PDE1A: variants seen among roughly 807,000 people sequenced by gnomAD.
PDE1A encodes phosphodiesterase 1A.
Under a neutral mutation model 61.7 loss-of-function variants are expected in PDE1A, and 35 were observed. The ratio of observed to expected loss-of-function variants is 0.57; its 90% confidence interval spans 0.43 to 0.75. The LOEUF (loss-of-function observed/expected upper bound fraction) is 0.75, where lower values mean the gene tolerates loss of function less well. Among genes scored for constraint, PDE1A ranks in the 30% least tolerant of loss-of-function variants. The pLI is 0.00. For missense variants in PDE1A, 597 were observed against 630.6 expected (o/e 0.95, Z 0.57); for synonymous variants, 232 against 213.2 (o/e 1.09, Z -0.77).
At chr2:182,601,849 G>T in the PDE1A span, among the ~76,000 whole-genome samples, 1 of 152,174 alleles carries the variant, frequency 6.6e-6, no homozygotes, top group Non-Finnish European at 1.5e-5. Context: ...CTCTAGCTGA[G>T]CCCAGGACTT....
intron 13 of PDE1A, among the ~76,000 whole-genome samples, chr2:182,151,039 AT>A (rs1277487879): frequency 6.6e-6 from 1 of 152,186 alleles, no homozygotes; most frequent in East Asian, 1.9e-4. Flanking sequence ...GGCAGACACT[AT>A]TCTAAGTGCT....
intron 1 of PDE1A, among the ~76,000 whole-genome samples, chr2:182,283,894 A>G (rs1008581259): frequency 2.0e-5 from 3 of 152,140 alleles, no homozygotes; most frequent in Admixed American, 6.6e-5. Context: ...TCATTTTAAC[A>G]TCTTTTTTTA....
the PDE1A span, among the ~76,000 whole-genome samples, chr2:182,591,080 T>A: frequency 6.6e-6 from 1 of 152,206 alleles, no homozygotes; most frequent in Non-Finnish European, 1.5e-5. Context: ...GGGTGGATCA[T>A]CAATGTGTTA....
chr2:182,621,785 G>A, the PDE1A span, among the ~76,000 whole-genome samples: 1 of 152,094 alleles, frequency 6.6e-6, no homozygotes, highest in Non-Finnish European at 1.5e-5. Context: ...TTAAGTGAAT[G>A]ACGGTAGACA....
intron 2 of PDE1A, among the ~76,000 whole-genome samples, chr2:182,440,201 C>T (rs1265486905): frequency 6.6e-6 from 1 of 152,040 alleles, no homozygotes; most frequent in Non-Finnish European, 1.5e-5. Context: ...CTGAAGCAAT[C>T]ATCTAGGGTC....
chr2:182,379,743 C>A (rs970256917), intron 1 of PDE1A, among the ~76,000 whole-genome samples: 27 of 151,864 alleles, frequency 1.8e-4, no homozygotes, highest in African/African-American at 6.3e-4. Context: ...TTTTTCTTTC[C>A]AAAAGTGGGT....
intron 1 of PDE1A, among the ~76,000 whole-genome samples, chr2:182,269,067 A>G (rs1008749501): frequency 3.3e-5 from 5 of 152,188 alleles, no homozygotes; most frequent in African/African-American, 1.2e-4. Context: ...TTGTTATTAT[A>G]CAAATAAAAT....
chr2:182,470,766 G>A (rs900800461), intron 2 of PDE1A, among the ~76,000 whole-genome samples: 1 of 151,772 alleles, frequency 6.6e-6, no homozygotes, highest in African/African-American at 2.4e-5. Flanking sequence ...TACTATATAC[G>A]AACACAGTCA....
chr2:182,430,657 C>T (rs1317058621), upstream of PDE1A, among the ~76,000 whole-genome samples: 1 of 115,644 alleles, frequency 8.6e-6, no homozygotes, highest in Non-Finnish European at 1.9e-5. Context: ...CACATGCACA[C>T]GTATGTTTAT....
At chr2:182,332,205 C>A (rs536594197) in intron 1 of PDE1A, among the ~76,000 whole-genome samples, 1 of 152,270 alleles carries the variant, frequency 6.6e-6, no homozygotes, top group East Asian at 1.9e-4. Context: ...TCCATCAGGT[C>A]TTTTATGTTC....
upstream of PDE1A, among the ~76,000 whole-genome samples, chr2:182,524,319 C>T (rs1013373126): frequency 6.6e-6 from 1 of 152,156 alleles, no homozygotes; most frequent in Non-Finnish European, 1.5e-5. Flanking sequence ...ATCAAGATAC[C>T]TAAGTCCTTG....
chr2:182,168,286 T>A, exon 14 of PDE1A: 1 of 1,585,376 alleles, frequency 6.3e-7, no homozygotes, highest in African/African-American at 1.4e-5. Flanking sequence ...AACTGGTTCT[T>A]GCTTCTGAAA....
the PDE1A span, among the ~76,000 whole-genome samples, chr2:182,686,310 TG>T: frequency 1.1e-3 from 171 of 152,278 alleles, no homozygotes; most frequent in African/African-American, 3.9e-3. Context: ...AACCTTGAAA[TG>T]CAAAAAAGTA....
At chr2:182,386,141 T>C (rs1312734378) in intron 1 of PDE1A, among the ~76,000 whole-genome samples, 2 of 152,188 alleles carry the variant, frequency 1.3e-5, no homozygotes, top group African/African-American at 4.8e-5. Flanking sequence ...TCTCGTTCAC[T>C]CAGTGCTCAA....
At chr2:182,660,030 G>T in the PDE1A span, among the ~76,000 whole-genome samples, 1 of 152,064 alleles carries the variant, frequency 6.6e-6, no homozygotes, top group African/African-American at 2.4e-5. Context: ...ATATATCATG[G>T]GCATGGCTGG....
chr2:182,155,193 C>T (rs1389303741), intron 13 of PDE1A, among the ~76,000 whole-genome samples: 3 of 150,164 alleles, frequency 2.0e-5, no homozygotes, highest in Non-Finnish European at 4.4e-5. Flanking sequence ...CTCAGTTGAT[C>T]CTCCCAACTT....
chr2:182,694,616 C>T, the PDE1A span, among the ~76,000 whole-genome samples: 1 of 152,132 alleles, frequency 6.6e-6, no homozygotes, highest in Non-Finnish European at 1.5e-5. Flanking sequence ...GGAAAGAACA[C>T]ATCTGTGTTA....
At chr2:182,381,541 C>T (rs914184246) in intron 1 of PDE1A, among the ~76,000 whole-genome samples, 17 of 152,112 alleles carry the variant, frequency 1.1e-4, no homozygotes, top group South Asian at 2.1e-4. Context: ...AGGCCAGGCA[C>T]GGTGGCTCAC....
chr2:182,360,949 T>C (rs1378012221), intron 1 of PDE1A, among the ~76,000 whole-genome samples: 1 of 152,094 alleles, frequency 6.6e-6, no homozygotes, highest in Non-Finnish European at 1.5e-5. Context: ...ACAGGAATAA[T>C]AATAATAAAG....
Sources: allele counts gnomAD v4.1 joint callset (sites outside exome capture counted in the v4.1 genomes callset), GRCh38; gene constraint gnomAD v4.1.1; transcripts MANE v1.5; gene names NCBI Gene and HGNC (gene_info 2026-07-23, HGNC 2026-07-21).